The following PITRM1 variants were observed in gnomAD, a reference collection of about 807,000 sequenced individuals.
PITRM1 encodes the protein pitrilysin metallopeptidase 1, also known as presequence protease, mitochondrial.
In PITRM1, 100 loss-of-function variants were observed where a neutral mutation model predicts 129.9. The observed-to-expected ratio is 0.77, with a 90% confidence interval of 0.65 to 0.91. The LOEUF (loss-of-function observed/expected upper bound fraction) is 0.91, where lower values mean the gene tolerates loss of function less well. Ranked by LOEUF, PITRM1 falls within the 40% of genes least tolerant of loss-of-function variation. PITRM1 has a pLI of 0.00. For synonymous variants in PITRM1, 591 were observed against 508.8 expected, an observed-to-expected ratio of 1.16 and a Z score of -2.17; for missense variants, 1,471 against 1,318.3, an observed-to-expected ratio of 1.12 and a Z score of -1.79.
Position 3,143,915 on chromosome 10 carries a change from TGA to T in PITRM1, c.2532+375_2532+376del, listed in dbSNP as rs1840546254. On this transcript the variant is annotated intron_variant, in intron 22 of 26. Coordinates refer to ENST00000224949, the MANE Select transcript of PITRM1 (RefSeq NM_014889.4). ...AAACCAAACAGCATCAGCACCAGGCTGAGTCGCGGAAAGGATCTGTCAGACCG... is the reference window on the plus strand; with the variant it reads ...AAACCAAACAGCATCAGCACCAGGCTGTCGCGGAAAGGATCTGTCAGACCG... 1.8e-5 allele frequency: 9 copies of T among 514,264 alleles called. No individual in the cohort carries two copies. In the Admixed American group the frequency reaches 2.3e-4, roughly 13 times the overall value. 31.9% of individuals were successfully genotyped at this position (514,264 alleles called of 1,614,324 possible).
chr10:3,143,671 G>A, intron 22 of PITRM1, 170 bp from the exon 23 acceptor site: 2 of 712,368 alleles, frequency 2.8e-6, no homozygotes, highest in African/African-American at 1.7e-5. Context: ...GCAGCCAGGT[G>A]CTGGGGCGCG....
chr10:3,149,075 TG>T (rs1478195293), intron 16 of PITRM1: 1 of 152,422 alleles, frequency 6.6e-6, no homozygotes, highest in Non-Finnish European at 1.5e-5. Context: ...CAGGGTTCCC[TG>T]TCGCCCTATT....
chr10:3,139,191 ACAAAT>A (rs1839931851), intron 24 of PITRM1, 142 bp from the exon 25 acceptor site: 2 of 720,272 alleles, frequency 2.8e-6, no homozygotes, highest in African/African-American at 3.5e-5. Flanking sequence ...CAGCCCACTG[ACAAAT>A]CGCTCAATTA....
At chr10:3,165,140 T>C (rs368325329) in intron 6 of PITRM1, 98 bp downstream of exon 6, 2 of 907,756 alleles carry the variant, frequency 2.2e-6, no homozygotes, top group Non-Finnish European at 3.3e-6. Context: ...TCACCTATAA[T>C]GAGAATATTA....
At chr10:3,148,138 C>T (rs774453562) in intron 17 of PITRM1, 33 bp downstream of exon 17, 3 of 1,613,768 alleles carry the variant, frequency 1.9e-6, no homozygotes, top group South Asian at 1.1e-5. Flanking sequence ...AAAAGCTTCC[C>T]ACCGCAGCAG....
Position 3,151,477 on chromosome 10 carries a change from G to C in PITRM1, c.1622-114C>G, listed in dbSNP as rs1841512834. Reference sequence around the variant, plus strand: ...AGAATTAGCCGTCCACGCCAAGTGTGGGGAGTACAGGAGCACTGTGGTTTG... The same window carrying C: ...AGAATTAGCCGTCCACGCCAAGTGTCGGGAGTACAGGAGCACTGTGGTTTG... On this transcript the variant is annotated intron_variant, in intron 14 of 26. Coordinates refer to ENST00000224949, the MANE Select transcript of PITRM1 (RefSeq NM_014889.4). 13 of 681,680 alleles carry C rather than the reference G, an allele frequency of 1.9e-5. No individual in the cohort carries two copies. In the South Asian group the frequency reaches 2.0e-4, roughly 11 times the overall value. The allele number at this position is 681,680 out of a possible 1,614,324, so 42.2% of individuals were successfully genotyped here.
Position 3,144,390 on chromosome 10 carries a change from AAAGAG to A in PITRM1, c.2458-29_2458-25del, listed in dbSNP as rs1840624344. On this transcript the variant is annotated intron_variant, in intron 21 of 26. Transcript: ENST00000224949. ...TTCTGAAAATCAAGTTTCCAAGAGA[AAAGAG>A]AAAAATCCAGAACTCACTTGAAATA... 4 of 1,459,324 alleles carry A rather than the reference AAAGAG, an allele frequency of 2.7e-6. No individual in the cohort carries two copies. The South Asian group carries it at 5.0e-5, about 18-fold the overall frequency. The allele number at this position is 1,459,324 out of a possible 1,614,324, so 90.4% of individuals were successfully genotyped here. A position where few individuals can be genotyped will look rare whatever the true frequency, so the allele number is the denominator to read the frequency against.
chr10:3,167,046 A>T lies in PITRM1; in HGVS notation c.160-4T>A. Reference sequence around the variant, plus strand: ...ACAGCTCGGGAACAGATGTCACCTGAGTTAACAAGAAAAACACGACCAGTT... The same window carrying T: ...ACAGCTCGGGAACAGATGTCACCTGTGTTAACAAGAAAAACACGACCAGTT... On this transcript the variant is annotated splice_region_variant and splice_polypyrimidine_tract_variant and intron_variant, in intron 2 of 26. Coordinates refer to ENST00000224949, the MANE Select transcript of PITRM1 (RefSeq NM_014889.4). The T allele has an allele frequency of 6.3e-7, 1 of 1,579,604 alleles. No homozygotes were observed. The highest frequency in any genetic ancestry group is 8.6e-7 in the Non-Finnish European group (1 of 1,156,694).
chr10:3,159,818 C>G (rs943209615), intron 9 of PITRM1, 30 bp downstream of exon 9: 8 of 1,333,654 alleles, frequency 6.0e-6, no homozygotes, highest in East Asian at 2.3e-5. Flanking sequence ...ATGTTTTTGT[C>G]TTGTATGAGC....
chr10:3,144,450 A>T, intron 21 of PITRM1, 84 bp from the exon 22 acceptor site: 1 of 789,248 alleles, frequency 1.3e-6, no homozygotes, highest in Non-Finnish European at 2.1e-6. Context: ...TATAAAATTC[A>T]CACAGCTAAT....
Position 3,172,703 on chromosome 10 carries a change from T to TCGCAGCGTCTCACCCGC in PITRM1, c.53_56+13dup. On this transcript the variant is annotated intron_variant, in intron 1 of 26. Coordinates refer to ENST00000224949, the MANE Select transcript of PITRM1 (RefSeq NM_014889.4). ...GTACCAGCGCGCCGAGCGCCTCCCG[T>TCGCAGCGTCTCACCCGC]CGCAGCGTCTCACCCGCCGCTCAGC... 6.5e-7 allele frequency: 1 copy of TCGCAGCGTCTCACCCGC among 1,534,666 alleles called. No homozygotes were observed. Among genetic ancestry groups the TCGCAGCGTCTCACCCGC allele is most frequent in the Non-Finnish European group, 8.8e-7 (1 of 1,141,416 alleles).
chr10:3,138,878 G>C (rs1194555956), intron 25 of PITRM1, 26 bp downstream of exon 25: 3 of 1,611,294 alleles, frequency 1.9e-6, no homozygotes, highest in South Asian at 1.1e-5. Flanking sequence ...TGTGGGTTGA[G>C]ATTCTCACTG....
intron 2 of PITRM1, among the ~76,000 whole-genome samples, chr10:3,167,271 TAG>T (rs773070103): frequency 0.02 from 2,555 of 126,616 alleles, 55 homozygotes; most frequent in African/African-American, 0.06. Context: ...TGTGTGTGTA[TAG>T]AAAGAGAGAG....
At position 3,166,932 on chromosome 10, in the gene PITRM1, A is replaced by G. The variant is rs372930380; in HGVS notation, c.266+4T>C. On this transcript the variant is annotated splice_donor_region_variant and intron_variant, in intron 3 of 26. Coordinates refer to ENST00000224949, the MANE Select transcript of PITRM1 (RefSeq NM_014889.4). ...AGACCATGTTCTTACAATGCACCAC[A>G]CACCTGAACAGATTATTCGTGTCTT... 5.2e-6 allele frequency: 8 copies of G among 1,544,644 alleles called. No individual in the cohort carries two copies. Among genetic ancestry groups the G allele is most frequent in the Middle Eastern group, 1.7e-4 (1 of 5,956 alleles).
intron 1 of PITRM1, 138 bp from the exon 2 acceptor site, chr10:3,170,344 C>G (rs1469792556): frequency 1.8e-5 from 11 of 608,650 alleles, no homozygotes; most frequent in Non-Finnish European, 2.5e-5. Flanking sequence ...CAAAGTCTTG[C>G]ACATTCCAGA....
At chr10:3,143,222 A>C in intron 23 of PITRM1, 167 bp downstream of exon 23, 1 of 601,556 alleles carries the variant, frequency 1.7e-6, no homozygotes, top group Non-Finnish European at 3.0e-6. Flanking sequence ...GTTCACAAAG[A>C]CTGCTGGTTA....
chr10:3,165,360 T>A, intron 5 of PITRM1, 26 bp from the exon 6 acceptor site: 1 of 1,598,786 alleles, frequency 6.3e-7, no homozygotes, highest in Non-Finnish European at 8.5e-7. Flanking sequence ...TATAAGCTGA[T>A]AGTGACTCAA....
intron 25 of PITRM1, chr10:3,138,676 G>A (rs909965055): frequency 1.5e-5 from 10 of 654,380 alleles, no homozygotes; most frequent in African/African-American, 9.0e-5. Context: ...ACACTGCCAT[G>A]GGTTGGCCCC....
At chr10:3,149,415 G>A (rs549351529) in intron 16 of PITRM1, 26 of 450,942 alleles carry the variant, frequency 5.8e-5, no homozygotes, top group Admixed American at 1.1e-4. Context: ...ATATTATACC[G>A]TAGATTCATA....
Sources: gnomAD v4.1 joint callset for allele counts (sites outside exome capture counted in the v4.1 genomes callset) on GRCh38, gnomAD v4.1.1 for gene constraint, MANE v1.5 for transcripts, NCBI Gene and HGNC (gene_info 2026-07-23, HGNC 2026-07-21) for gene names.